NANOS3: variants seen among roughly 807,000 people sequenced by gnomAD.
NANOS3 encodes nanos homolog 3.
A neutral mutation model predicts 13.8 loss-of-function variants in NANOS3; 11 were observed. That is an observed-to-expected ratio of 0.80 (90% CI 0.50 to 1.32). The LOEUF (loss-of-function observed/expected upper bound fraction) is 1.32. Among genes scored for constraint, NANOS3 ranks in the 40% most tolerant of loss-of-function variants. The pLI is 0.00. For synonymous variants in NANOS3, 119 were observed against 115.4 expected (o/e 1.03, Z -0.20); for missense variants, 221 against 263.8 (o/e 0.84, Z 1.12).
chr19:13,873,984 G>A (rs1263800841), upstream of NANOS3, among the ~76,000 whole-genome samples: 1 of 152,108 alleles, frequency 6.6e-6, no homozygotes, highest in Non-Finnish European at 1.5e-5. Context: ...TGAGGAAATG[G>A]AGAGGGGGCG....
At chr19:13,877,041 C>T (rs149586075), upstream of NANOS3, among the ~76,000 whole-genome samples, 2 of 152,114 alleles carry the variant, frequency 1.3e-5, no homozygotes, top group Non-Finnish European at 2.9e-5. Flanking sequence ...GGGCACCAGG[C>T]CCCCCTGTGA....
chr19:13,866,211 G>T (rs1976237550), intron 1 of NANOS3, among the ~76,000 whole-genome samples: 1 of 152,180 alleles, frequency 6.6e-6, no homozygotes, highest in African/African-American at 2.4e-5. Context: ...CTGCCGGGGA[G>T]CCCTTTTAAA....
At chr19:13,871,785 G>A (rs767024657) in intron 1 of NANOS3, among the ~76,000 whole-genome samples, 4 of 152,078 alleles carry the variant, frequency 2.6e-5, no homozygotes, top group Non-Finnish European at 4.4e-5. Flanking sequence ...AGGAGTTCGC[G>A]ACCAGCCTGG....
chr19:13,871,314 G>A (rs1211787169), intron 1 of NANOS3, among the ~76,000 whole-genome samples: 1 of 152,176 alleles, frequency 6.6e-6, no homozygotes, highest in Non-Finnish European at 1.5e-5. Flanking sequence ...GAACAGATGT[G>A]TGAGGGGCAT....
intron 1 of NANOS3, among the ~76,000 whole-genome samples, chr19:13,866,384 G>T (rs992336053): frequency 2.0e-5 from 3 of 150,934 alleles, no homozygotes; most frequent in Non-Finnish European, 4.4e-5. Flanking sequence ...CCACACCCCT[G>T]GACTGCTCAC....
intron 1 of NANOS3, among the ~76,000 whole-genome samples, chr19:13,867,308 G>GATCTAGGCTCACTGCA (rs140246585): frequency 1.3e-5 from 2 of 151,856 alleles, no homozygotes; most frequent in Admixed American, 6.6e-5. Flanking sequence ...GCAGTGGCAC[G>GATCTAGGCTCACTGCA]ATCTAGGCTC....
At chr19:13,872,236 T>A (rs181691415), upstream of NANOS3, among the ~76,000 whole-genome samples, 451 of 150,666 alleles carry the variant, frequency 3.0e-3, 6 homozygotes, top group African/African-American at 0.011. Flanking sequence ...TCCCAGCTAC[T>A]CAGGAGGCTG....
upstream of NANOS3, among the ~76,000 whole-genome samples, chr19:13,873,849 G>A (rs1449511557): frequency 6.7e-6 from 1 of 149,692 alleles, no homozygotes; most frequent in Non-Finnish European, 1.5e-5. Flanking sequence ...GGTCGTCACT[G>A]CTTGGCTTGC....
chr19:13,865,909 C>G (rs1976230814), intron 1 of NANOS3, among the ~76,000 whole-genome samples: 1 of 151,904 alleles, frequency 6.6e-6, no homozygotes, highest in South Asian at 2.1e-4. Flanking sequence ...AATCGAATGC[C>G]AGAAGAGAGT....
In NANOS3 at chr19:13,877,225, C is replaced by T; in HGVS notation, c.-24C>T. On this transcript the variant is annotated 5_prime_UTR_variant, in exon 1 of 2. Coordinates refer to ENST00000339133, the MANE Select transcript of NANOS3 (RefSeq NM_001098622.3). ...GGGTTACTTGTCTCTGTGACTCCTT[C>T]CGCCTGGCACATGCTGCCCAGCTAT... is the stretch of plus-strand genomic sequence containing the variant. The T allele has an allele frequency of 6.3e-7, 1 of 1,583,492 alleles. No homozygotes were observed. The highest frequency in any genetic ancestry group is 8.6e-7 in the Non-Finnish European group (1 of 1,160,328).
At chr19:13,876,374 G>A (rs1391960741), upstream of NANOS3, among the ~76,000 whole-genome samples, 1 of 152,026 alleles carries the variant, frequency 6.6e-6, no homozygotes, top group Non-Finnish European at 1.5e-5. Flanking sequence ...TAGCCAGGCT[G>A]GTCTCGAACT....
chr19:13,867,304 G>A (rs556860833), intron 1 of NANOS3, among the ~76,000 whole-genome samples: 169 of 152,038 alleles, frequency 1.1e-3, no homozygotes, highest in Non-Finnish European at 2.1e-3. Context: ...GAGTGCAGTG[G>A]CACGATCTAG....
rs772208498 is a variant in NANOS3, at chr19:13,877,235, C to T, written c.-14C>T. On this transcript the variant is annotated 5_prime_UTR_variant, in exon 1 of 2. Coordinates refer to ENST00000339133, the MANE Select transcript of NANOS3 (RefSeq NM_001098622.3). ...TCTCTGTGACTCCTTCCGCCTGGCACATGCTGCCCAGCTATGGGGACCTTT... is the reference window on the plus strand; with the variant it reads ...TCTCTGTGACTCCTTCCGCCTGGCATATGCTGCCCAGCTATGGGGACCTTT... 6.3e-7 allele frequency: 1 copy of T among 1,593,970 alleles called. No homozygotes were observed. The highest frequency in any genetic ancestry group is 1.1e-5 in the South Asian group (1 of 89,994).
upstream of NANOS3, chr19:13,865,294 CCCCCGCCCACGGCCTAGGGAG>C (rs1295343247): frequency 6.8e-6 from 1 of 146,274 alleles, no homozygotes; most frequent in African/African-American, 2.5e-5. Flanking sequence ...CCCCTCCCCC[CCCCCGCCCACGGCCTAGGGAG>C]CCCCCGCCCT....
upstream of NANOS3, among the ~76,000 whole-genome samples, chr19:13,863,050 C>T (rs965867886): frequency 6.6e-6 from 1 of 152,200 alleles, no homozygotes; most frequent in Admixed American, 6.5e-5. Context: ...GAGAATAGTC[C>T]CTGCCTCAAG....
chr19:13,866,290 C>T (rs1439560934), intron 1 of NANOS3, among the ~76,000 whole-genome samples: 1 of 152,074 alleles, frequency 6.6e-6, no homozygotes, highest in African/African-American at 2.4e-5. Flanking sequence ...GGAAAAGACA[C>T]CTCATTGGCT....
chr19:13,864,020 G>A (rs890589951), upstream of NANOS3, among the ~76,000 whole-genome samples: 3 of 152,228 alleles, frequency 2.0e-5, no homozygotes, highest in East Asian at 5.8e-4. Flanking sequence ...TGGGGTGGGG[G>A]ATAAATAAAC....
At position 13,877,443 on chromosome 19, in the gene NANOS3, C is replaced by A; in HGVS notation, c.195C>A (p.Arg65=). 6.2e-7 allele frequency: 1 copy of A among 1,612,060 alleles called. No individual in the cohort carries two copies. The highest frequency in any genetic ancestry group is 8.5e-7 in the Non-Finnish European group (1 of 1,179,980). The change falls in exon 1 of 2, where the codon CGC becomes CGA. Residue 65 remains arginine (R), a synonymous_variant. Coordinates refer to ENST00000339133, the MANE Select transcript of NANOS3 (RefSeq NM_001098622.3). Reference sequence around the variant, plus strand: ...TGCCGGGACCCAAGGATCAGAAGCGCAGCCTGGAGTCCTCGCCAGCTCCCG... The same window carrying A: ...TGCCGGGACCCAAGGATCAGAAGCGAAGCCTGGAGTCCTCGCCAGCTCCCG... ...VPVPGPKDQK[R]SLESSPAPER...
upstream of NANOS3, among the ~76,000 whole-genome samples, chr19:13,863,004 C>G (rs1253156134): frequency 6.6e-6 from 1 of 152,210 alleles, no homozygotes; most frequent in Non-Finnish European, 1.5e-5. Flanking sequence ...GAAGATACAG[C>G]TGGGGAGAAC....
Sources: gnomAD v4.1 joint callset for allele counts (sites outside exome capture counted in the v4.1 genomes callset) on GRCh38, gnomAD v4.1.1 for gene constraint, MANE v1.5 for transcripts, NCBI Gene and HGNC (gene_info 2026-07-23, HGNC 2026-07-21) for gene names.